Variants in DENND1A observed in about 807,000 individuals in gnomAD.
DENND1A encodes DENN domain containing 1A.
Under a neutral mutation model 113.7 loss-of-function variants are expected in DENND1A, and 51 were observed. That is an observed-to-expected ratio of 0.45 (90% CI 0.36 to 0.57). DENND1A has a LOEUF of 0.57. DENND1A is among the 20% of genes least tolerant of loss of function. The pLI is 0.00. For synonymous variants in DENND1A, 565 were observed against 570.8 expected (o/e 0.99, Z 0.14); for missense variants, 1,258 against 1,395.9 (o/e 0.90, Z 1.57).
chr9:123,648,505 T>C (rs1222419972), intron 9 of DENND1A, among the ~76,000 whole-genome samples: 1 of 152,264 alleles, frequency 6.6e-6, no homozygotes, highest in East Asian at 1.9e-4. Flanking sequence ...ATTTTTCCAT[T>C]GACAGGCTTG....
At chr9:123,737,996 A>G (rs754989607) in intron 5 of DENND1A, among the ~76,000 whole-genome samples, 7 of 152,336 alleles carry the variant, frequency 4.6e-5, no homozygotes, top group Non-Finnish European at 7.3e-5. Context: ...CTAGTTTGAC[A>G]GTCTTAGCTG....
intron 13 of DENND1A, among the ~76,000 whole-genome samples, chr9:123,489,092 A>G (rs896864858): frequency 3.9e-5 from 6 of 151,932 alleles, no homozygotes; most frequent in Admixed American, 1.3e-4. Context: ...ACACACACAC[A>G]TCCACACACC....
At chr9:123,862,716 A>G (rs1845217054) in intron 2 of DENND1A, among the ~76,000 whole-genome samples, 1 of 152,032 alleles carries the variant, frequency 6.6e-6, no homozygotes, top group African/African-American at 2.4e-5. Flanking sequence ...CTTCCCATCC[A>G]CCACCCCTCA....
intron 2 of DENND1A, among the ~76,000 whole-genome samples, chr9:123,864,502 G>A (rs1246020653): frequency 6.6e-6 from 1 of 152,208 alleles, no homozygotes; most frequent in Non-Finnish European, 1.5e-5. Flanking sequence ...TCATTGTACT[G>A]TGGGAAGTCT....
intron 21 of DENND1A, chr9:123,401,294 C>A (rs2043441681): frequency 5.9e-6 from 1 of 169,378 alleles, no homozygotes; most frequent in Non-Finnish European, 1.2e-5. Flanking sequence ...GAGAAAAACA[C>A]ATCCAAGTGC....
At chr9:123,731,485 CT>C (rs2068169494) in intron 5 of DENND1A, among the ~76,000 whole-genome samples, 1 of 152,142 alleles carries the variant, frequency 6.6e-6, no homozygotes, top group African/African-American at 2.4e-5. Flanking sequence ...ACAAATGGTG[CT>C]GGAACAACTA....
chr9:123,884,552 C>T (rs1848744872), intron 1 of DENND1A, among the ~76,000 whole-genome samples: 1 of 152,110 alleles, frequency 6.6e-6, no homozygotes, highest in East Asian at 1.9e-4. Flanking sequence ...TTGTACCCTA[C>T]AATCCAGCCA....
chr9:123,727,511 G>C (rs1002302204), intron 5 of DENND1A, among the ~76,000 whole-genome samples: 1 of 152,140 alleles, frequency 6.6e-6, no homozygotes, highest in Non-Finnish European at 1.5e-5. Context: ...TACTTGCTTT[G>C]ACATCATAAT....
chr9:123,858,219 T>C (rs572504452), intron 2 of DENND1A, among the ~76,000 whole-genome samples: 16 of 152,352 alleles, frequency 1.1e-4, no homozygotes, highest in African/African-American at 3.8e-4. Context: ...ATTTCCTCAC[T>C]TTGATACCAC....
At chr9:123,900,024 T>C (rs1319594888) in intron 1 of DENND1A, among the ~76,000 whole-genome samples, 1 of 152,234 alleles carries the variant, frequency 6.6e-6, no homozygotes, top group Admixed American at 6.5e-5. Flanking sequence ...AACCAGCACG[T>C]TCTGGATTGC....
intron 13 of DENND1A, among the ~76,000 whole-genome samples, chr9:123,544,631 T>G (rs576007252): frequency 1.3e-5 from 2 of 152,292 alleles, no homozygotes; most frequent in African/African-American, 4.8e-5. Flanking sequence ...CAGTTTCTCA[T>G]CAGTAAAATG....
intron 7 of DENND1A, among the ~76,000 whole-genome samples, chr9:123,667,866 T>A (rs891237237): frequency 6.6e-6 from 1 of 152,132 alleles, no homozygotes; most frequent in Non-Finnish European, 1.5e-5. Context: ...TTCCAGTTGC[T>A]GGAGCACTGG....
At chr9:123,552,021 G>GAGAC (rs2057095026) in intron 13 of DENND1A, among the ~76,000 whole-genome samples, 1 of 93,472 alleles carries the variant, frequency 1.1e-5, no homozygotes, top group Non-Finnish European at 2.1e-5. Context: ...GCGAGAGCGA[G>GAGAC]AGAGAGAGAG....
chr9:123,526,987 A>C (rs556746749), intron 13 of DENND1A, among the ~76,000 whole-genome samples: 2 of 152,162 alleles, frequency 1.3e-5, no homozygotes, highest in Non-Finnish European at 2.9e-5. Context: ...CAAACTCAAC[A>C]TGAATAAGCT....
chr9:123,730,160 A>G (rs1010523044), intron 5 of DENND1A, among the ~76,000 whole-genome samples: 4 of 152,262 alleles, frequency 2.6e-5, no homozygotes, highest in African/African-American at 9.6e-5. Context: ...AAATCCTAGA[A>G]TAAAGTCTAG....
At chr9:123,580,408 T>C (rs1402834122) in intron 12 of DENND1A, among the ~76,000 whole-genome samples, 1 of 152,260 alleles carries the variant, frequency 6.6e-6, no homozygotes, top group Non-Finnish European at 1.5e-5. Context: ...GTAATAGATA[T>C]GTAATTGACA....
At chr9:123,485,066 A>G (rs2050677864) in intron 13 of DENND1A, among the ~76,000 whole-genome samples, 3 of 152,142 alleles carry the variant, frequency 2.0e-5, no homozygotes, top group Admixed American at 1.3e-4. Flanking sequence ...CACTCTTCCT[A>G]GACTGTGCAC....
At chr9:123,423,667 G>A (rs1422794447) in intron 19 of DENND1A, among the ~76,000 whole-genome samples, 2 of 152,122 alleles carry the variant, frequency 1.3e-5, no homozygotes, top group Non-Finnish European at 2.9e-5. Flanking sequence ...GGCTGCACAC[G>A]CTCATGTATG....
intron 12 of DENND1A, among the ~76,000 whole-genome samples, chr9:123,561,839 G>A (rs112601734): frequency 2.4e-4 from 36 of 152,196 alleles, no homozygotes; most frequent in African/African-American, 8.2e-4. Context: ...TGGGCCAGGC[G>A]TCAGATGTCA....
Sources: allele counts gnomAD v4.1 joint callset (sites outside exome capture counted in the v4.1 genomes callset), GRCh38; gene constraint gnomAD v4.1.1; transcripts MANE v1.5; gene names NCBI Gene and HGNC (gene_info 2026-07-23, HGNC 2026-07-21).